Variants in NFIA observed in about 807,000 individuals in gnomAD.
NFIA encodes the protein nuclear factor 1 A-type.
Under a neutral mutation model 62.8 loss-of-function variants are expected in NFIA, and 8 were observed. The ratio of observed to expected loss-of-function variants is 0.13; its 90% confidence interval spans 0.07 to 0.23. The LOEUF (loss-of-function observed/expected upper bound fraction) is 0.23, where lower values mean the gene tolerates loss of function less well. Ranked by LOEUF, NFIA falls within the 10% of genes least tolerant of loss-of-function variation. The probability of loss-of-function intolerance (pLI) is 1.00; values close to 1 mark genes in which losing one functional copy is unlikely to be tolerated. For synonymous variants in NFIA, 235 were observed against 238.1 expected, an observed-to-expected ratio of 0.99 and a Z score of 0.12; for missense variants, 410 against 642.1, an observed-to-expected ratio of 0.64 and a Z score of 3.91.
At chr1:61,162,688 G>A (rs1264799064) in intron 2 of NFIA, among the ~76,000 whole-genome samples, 1 of 152,204 alleles carries the variant, frequency 6.6e-6, no homozygotes, top group Non-Finnish European at 1.5e-5. Context: ...ACCCCATGGA[G>A]GGTGGAACAT....
chr1:61,252,316 T>G (rs1656095679), intron 2 of NFIA, among the ~76,000 whole-genome samples: 1 of 152,230 alleles, frequency 6.6e-6, no homozygotes, highest in Non-Finnish European at 1.5e-5. Flanking sequence ...TTTTACCAGT[T>G]GTGTGCTTAC....
At chr1:61,083,099 GTTAA>G (rs1424902093) in intron 1 of NFIA, among the ~76,000 whole-genome samples, 2 of 152,188 alleles carry the variant, frequency 1.3e-5, no homozygotes, top group Non-Finnish European at 2.9e-5. Context: ...TTATTAATGC[GTTAA>G]TTAATATCGG....
intron 2 of NFIA, among the ~76,000 whole-genome samples, chr1:61,237,377 G>A (rs977367392): frequency 2.0e-5 from 3 of 152,310 alleles, no homozygotes; most frequent in Admixed American, 6.5e-5. Context: ...TAAACAGAAG[G>A]TAATATGAGA....
At chr1:61,438,329 G>C (rs1667423965) in intron 10 of NFIA, among the ~76,000 whole-genome samples, 1 of 152,178 alleles carries the variant, frequency 6.6e-6, no homozygotes, top group Non-Finnish European at 1.5e-5. Flanking sequence ...GCCAGTGTGT[G>C]GTGCTGCCTT....
At chr1:61,422,243 A>G (rs527446959) in intron 9 of NFIA, among the ~76,000 whole-genome samples, 21 of 152,354 alleles carry the variant, frequency 1.4e-4, no homozygotes, top group African/African-American at 4.3e-4. Flanking sequence ...AGCCTGGGCG[A>G]CAGAGCCAGA....
rs141004288 is a variant in NFIA, at chr1:61,257,809, A to G, written c.560-19711A>G. Among the ~76,000 whole-genome samples the G allele has an allele frequency of 4.6e-3, 697 of 150,596 alleles. 2 individuals carry two copies. Among genetic ancestry groups the G allele is most frequent in the Non-Finnish European group, 6.7e-3 (452 of 67,722 alleles). Reference sequence around the variant, plus strand: ...AGCATAGCCTCAAACTCCTGGACTTAGGTGATCCTCTCATCTCAGCCTCCT... The same window carrying G: ...AGCATAGCCTCAAACTCCTGGACTTGGGTGATCCTCTCATCTCAGCCTCCT... On this transcript the variant is annotated intron_variant, in intron 2 of 10. Coordinates refer to ENST00000403491, the MANE Select transcript of NFIA (RefSeq NM_001134673.4).
intron 2 of NFIA, among the ~76,000 whole-genome samples, chr1:61,246,430 A>G (rs1271127386): frequency 6.6e-6 from 1 of 152,194 alleles, no homozygotes; most frequent in Non-Finnish European, 1.5e-5. Context: ...ATCATTTACT[A>G]TGACAGTGTG....
chr1:61,295,990 A>C (rs551634432), intron 3 of NFIA, among the ~76,000 whole-genome samples: 1 of 152,332 alleles, frequency 6.6e-6, no homozygotes, highest in South Asian at 2.1e-4. Flanking sequence ...CTTAGGGGGA[A>C]CATTCTTTAC....
chr1:61,372,022 C>G (rs1663913216), intron 6 of NFIA, among the ~76,000 whole-genome samples: 1 of 152,030 alleles, frequency 6.6e-6, no homozygotes, highest in Non-Finnish European at 1.5e-5. Flanking sequence ...AAATTGGATC[C>G]TTGTGTTCGG....
At chr1:61,185,944 T>G (rs974594612) in intron 2 of NFIA, among the ~76,000 whole-genome samples, 2 of 152,210 alleles carry the variant, frequency 1.3e-5, no homozygotes, top group African/African-American at 4.8e-5. Flanking sequence ...TGCACTATGA[T>G]GTCAGTCCCA....
chr1:61,156,495 A>G (rs1343075225), intron 2 of NFIA, among the ~76,000 whole-genome samples: 1 of 152,194 alleles, frequency 6.6e-6, no homozygotes, highest in Non-Finnish European at 1.5e-5. Context: ...GACTATAGAG[A>G]ATTCATTGCA....
rs550055217 is a variant in NFIA at position 61,138,528 on chromosome 1, T to G, written c.559+49848T>G. 9.2e-5 allele frequency among the ~76,000 whole-genome samples: 14 copies of G among 152,070 alleles called. No homozygotes were observed. The South Asian group carries it at 2.9e-3, about 32-fold the overall frequency. The stretch of plus-strand genomic sequence containing the variant: ...TTTGTGGTAAATCCTGGTTTCTCAC[T>G]TTCTGATAAAGAATTAGTCATTTTA... On this transcript the variant is annotated intron_variant, in intron 2 of 10. Transcript: ENST00000403491.
intron 2 of NFIA, among the ~76,000 whole-genome samples, chr1:61,154,767 A>G (rs189625034): frequency 8.5e-5 from 13 of 152,366 alleles, no homozygotes; most frequent in Admixed American, 8.5e-4. Context: ...ATACATTTAA[A>G]TAGAGCAGAT....
chr1:61,103,649 C>T (rs1646548867), intron 2 of NFIA, among the ~76,000 whole-genome samples: 1 of 152,106 alleles, frequency 6.6e-6, no homozygotes, highest in Admixed American at 6.6e-5. Context: ...GATGAGAAAT[C>T]TGGATTGAAC....
chr1:61,263,493 T>C (rs1447765091), intron 2 of NFIA, among the ~76,000 whole-genome samples: 3 of 152,210 alleles, frequency 2.0e-5, no homozygotes, highest in African/African-American at 7.2e-5. Flanking sequence ...ATAGGCTCTT[T>C]CTTGTGAATA....
chr1:61,451,815 A>G (rs2100589258), intron 10 of NFIA, among the ~76,000 whole-genome samples: 1 of 152,338 alleles, frequency 6.6e-6, no homozygotes, highest in Middle Eastern at 3.4e-3. Context: ...CCATTTGGAT[A>G]CAGTAGGGTA....
intron 4 of NFIA, among the ~76,000 whole-genome samples, chr1:61,351,410 A>G (rs1662543553): frequency 6.6e-6 from 1 of 152,148 alleles, no homozygotes; most frequent in Admixed American, 6.5e-5. Flanking sequence ...ATTTCTTCTG[A>G]TGGATACTAA....
At chr1:61,446,101 A>G (rs142295471) in intron 10 of NFIA, among the ~76,000 whole-genome samples, 180 of 152,348 alleles carry the variant, frequency 1.2e-3, no homozygotes, top group Admixed American at 3.5e-3. Context: ...AGGCATAGCA[A>G]CAGGATCTTG....
chr1:61,088,598 A>G lies in NFIA; in HGVS notation c.477A>G (p.Pro159=). ...RLVKSPQCSN[P]GLCVQPHHIG... ...TAAAGTCCCCACAATGCTCTAATCC[A>G]GGGCTCTGTGTCCAACCCCATCACA... Residue 159 remains proline, a synonymous_variant, in exon 2 of 11, where the codon CCA becomes CCG. Coordinates refer to ENST00000403491, the MANE Select transcript of NFIA (RefSeq NM_001134673.4). The surrounding 1 kb of genome is among the most constrained non-coding windows in gnomAD (Gnocchi z 4.5). 2 of 1,614,154 alleles carry G rather than the reference A, an allele frequency of 1.2e-6. No individual in the cohort carries two copies.
Sources: gnomAD v4.1 joint callset for allele counts (sites outside exome capture counted in the v4.1 genomes callset) on GRCh38, gnomAD v4.1.1 for gene constraint, Gnocchi (gnomAD v3.1) non-coding constraint, MANE v1.5 for transcripts, NCBI Gene and HGNC (gene_info 2026-07-23, HGNC 2026-07-21) for gene names.